The following SRRM2 variants were observed in gnomAD, a reference collection of about 807,000 sequenced individuals.
SRRM2 encodes serine/arginine repetitive matrix protein 2.
Under a neutral mutation model 213.8 loss-of-function variants are expected in SRRM2, and 30 were observed. That is an observed-to-expected ratio of 0.14 (90% confidence interval 0.10 to 0.19). SRRM2 has a LOEUF of 0.19. SRRM2 is among the 10% of genes least tolerant of loss of function. SRRM2 has a pLI of 1.00. For missense variants in SRRM2, 4,904 were observed against 3,647.0 expected, an observed-to-expected ratio of 1.34 and a Z score of -8.88; for synonymous variants, 2,025 against 1,377.7, an observed-to-expected ratio of 1.47 and a Z score of -10.40.
In SRRM2 at chr16:2,762,427, C is replaced by G; in HGVS notation, c.1899C>G (p.Arg633=). 2 of 1,613,990 alleles carry G rather than the reference C, an allele frequency of 1.2e-6. No individual in the cohort carries two copies. The highest frequency in any genetic ancestry group is 1.7e-6 in the Non-Finnish European group (2 of 1,179,992). The part of the protein sequence containing the change: ...RRSRTRSPVR[R]RSRSRSPARR... ...CTAGGACCCGATCACCAGTACGACG[C>G]AGGTCTCGTAGTAGATCACCAGCCA... Residue 633 remains arginine (R), a synonymous_variant, in exon 11 of 15, where the codon CGC becomes CGG. Transcript: ENST00000301740.
At position 2,757,552 on chromosome 16, in the gene SRRM2, A is replaced by C; in HGVS notation, c.323A>C (p.Lys108Thr). 6.2e-7 allele frequency: 1 copy of C among 1,614,082 alleles called. No homozygotes were observed. Among genetic ancestry groups the C allele is most frequent in the Middle Eastern group, 1.7e-4 (1 of 6,060 alleles). ...GAGAAGGATGTGAACCCTGGGGGCAAGGAGGAGACCCCAGGGCAGAGGCCA... is the reference window on the plus strand; with the variant it reads ...GAGAAGGATGTGAACCCTGGGGGCACGGAGGAGACCCCAGGGCAGAGGCCA... Reference protein sequence around the residue: ...LLEKDVNPGGKEETPGQRPAV... With the variant: ...LLEKDVNPGGTEETPGQRPAV... The change falls in exon 3 of 15, where the codon AAG becomes ACG. Residue 108 changes from lysine (K) to threonine (T), a missense_variant. Physicochemically the swap from Lys to Thr is moderately conservative, Grantham distance 78. Transcript: ENST00000301740.
chr16:2,757,567 G>C lies in SRRM2; in HGVS notation c.338G>C (p.Gly113Ala), dbSNP rs367831165. The C allele has an allele frequency of 6.2e-7, 1 of 1,613,688 alleles. No homozygotes were observed. Among genetic ancestry groups the C allele is most frequent in the Non-Finnish European group, 8.5e-7 (1 of 1,179,744 alleles). ...CCTGGGGGCAAGGAGGAGACCCCAGGGCAGAGGCCAGCGTGAGTGTTGCGC... is the reference window on the plus strand; with the variant it reads ...CCTGGGGGCAAGGAGGAGACCCCAGCGCAGAGGCCAGCGTGAGTGTTGCGC... Reference protein sequence around the residue: ...VNPGGKEETPGQRPAVTETHQ... With the variant: ...VNPGGKEETPAQRPAVTETHQ... Residue 113 changes from glycine to alanine, a missense_variant, in exon 3 of 15, where the codon GGG (glycine) becomes GCG (alanine). Transcript: ENST00000301740.
chr16:2,764,605 T>C lies in SRRM2; in HGVS notation c.4077T>C (p.Phe1359=), dbSNP rs761825194. Residue 1359 remains phenylalanine, a synonymous_variant, in exon 11 of 15, where the codon TTT becomes TTC. Transcript: ENST00000301740. ...SEVKEDLNGP[F]LNQLETDPSL... Reference sequence around the variant, plus strand: ...TTAAAGAAGATTTGAATGGACCGTTTCTTAATCAGCTGGAAACAGATCCAT... The same window carrying C: ...TTAAAGAAGATTTGAATGGACCGTTCCTTAATCAGCTGGAAACAGATCCAT... The C allele has an allele frequency of 6.2e-7, 1 of 1,614,242 alleles. No homozygotes were observed. Among genetic ancestry groups the C allele is most frequent in the Non-Finnish European group, 8.5e-7 (1 of 1,180,042 alleles).
In SRRM2 at chr16:2,770,406, C is replaced by T; in HGVS notation, c.8076C>T (p.Ser2692=). ...CCCTCAGGGACTCTCGGTCCCTCAGCTACTCGCCTGTGGAGCGTCGCCGTC... is the reference window on the plus strand; with the variant it reads ...CCCTCAGGGACTCTCGGTCCCTCAGTTACTCGCCTGTGGAGCGTCGCCGTC... The part of the protein sequence containing the change: ...IDSLRDSRSL[S]YSPVERRRPS... The change falls in exon 13 of 15, where the codon AGC becomes AGT. Residue 2692 remains serine (S), a synonymous_variant. Transcript: ENST00000301740. 1 of 1,610,844 alleles carries T rather than the reference C, an allele frequency of 6.2e-7. No individual in the cohort carries two copies. Among genetic ancestry groups the T allele is most frequent in the Non-Finnish European group, 8.5e-7 (1 of 1,178,686 alleles).
chr16:2,759,209 T>TGTGGA, intron 7 of SRRM2, 37 bp downstream of exon 7: 1 of 1,608,840 alleles, frequency 6.2e-7, no homozygotes, highest in Non-Finnish European at 8.5e-7. Context: ...CGCAGTGGCA[T>TGTGGA]GTGGAGTGGT....
chr16:2,763,282 A>C lies in SRRM2; in HGVS notation c.2754A>C (p.Lys918Asn). 1 of 1,614,114 alleles carries C rather than the reference A, an allele frequency of 6.2e-7. No individual in the cohort carries two copies. Among genetic ancestry groups the C allele is most frequent in the South Asian group, 1.1e-5 (1 of 91,076 alleles). Residue 918 changes from lysine to asparagine, a missense_variant, in exon 11 of 15, where the codon AAA becomes AAC. Transcript: ENST00000301740. ...CTAGGTCATCATCTCCACAACCCAA[A>C]GTGAAGGCAATAATATCACCAAGAC... ...SPSRSSSPQP[K>N]VKAIISPRQR...
intron 12 of SRRM2, 151 bp downstream of exon 12, chr16:2,769,435 C>G: frequency 1.1e-6 from 1 of 883,718 alleles, no homozygotes. Flanking sequence ...TCTCCCCATG[C>G]TCGTTGCACC....
intron 9 of SRRM2, 73 bp from the exon 10 acceptor site, chr16:2,760,228 T>TG: frequency 6.9e-7 from 1 of 1,458,120 alleles, no homozygotes; most frequent in South Asian, 1.2e-5. Flanking sequence ...GGATGGGAGT[T>TG]GGGGAGGGGG....
intron 7 of SRRM2, 49 bp from the exon 8 acceptor site, chr16:2,759,303 T>G (rs1253103810): frequency 6.2e-7 from 1 of 1,610,300 alleles, no homozygotes; most frequent in African/African-American, 1.3e-5. Context: ...TTTGGTTTTA[T>G]TTCCTTTTTT....
Position 2,752,774 on chromosome 16 carries a change from G to A in SRRM2, c.-104G>A. The stretch of plus-strand genomic sequence containing the variant: ...GAGGCGAGGCGGCGGCCCCAGGCCC[G>A]AGGGACTCGGGAGCTCGAGCAGCGG... On this transcript the variant is annotated 5_prime_UTR_variant, in exon 1 of 15. Coordinates refer to ENST00000301740, the MANE Select transcript of SRRM2 (RefSeq NM_016333.4). 1 of 358,698 alleles carries A rather than the reference G, an allele frequency of 2.8e-6. No homozygotes were observed. The highest frequency in any genetic ancestry group is 5.6e-6 in the Non-Finnish European group (1 of 179,238). 22.2% of individuals were successfully genotyped at this position (358,698 alleles called of 1,614,324 possible).
At chr16:2,768,599 G>A (rs1412158403) in intron 11 of SRRM2, 1 of 632,124 alleles carries the variant, frequency 1.6e-6, no homozygotes, top group Non-Finnish European at 2.9e-6. Flanking sequence ...GATCTTCAGA[G>A]GTCATCCCAT....
At chr16:2,757,225 C>T (rs561126918) in intron 2 of SRRM2, among the ~76,000 whole-genome samples, 1 of 150,496 alleles carries the variant, frequency 6.6e-6, no homozygotes, top group Admixed American at 6.6e-5. Context: ...TGGAACCCTG[C>T]TTGCTTAACT....
At chr16:2,760,185 T>C in intron 9 of SRRM2, 116 bp from the exon 10 acceptor site, 1 of 1,038,358 alleles carries the variant, frequency 9.6e-7, no homozygotes, top group East Asian at 2.6e-5. Flanking sequence ...GACTAAAGGC[T>C]TTTTGGAAGA....
At chr16:2,769,369 G>A in intron 12 of SRRM2, 85 bp downstream of exon 12, 1 of 1,462,122 alleles carries the variant, frequency 6.8e-7, no homozygotes, top group South Asian at 1.4e-5. Flanking sequence ...GCTCCCCGCT[G>A]GGTGTCTCAC....
In SRRM2 at chr16:2,770,992, G is replaced by T. The variant is rs2068726842; in HGVS notation, c.*125G>T. 6 of 1,178,780 alleles carry T rather than the reference G, an allele frequency of 5.1e-6. No homozygotes were observed. The East Asian group carries it at 1.5e-4, about 29-fold the overall frequency. The allele number at this position is 1,178,780 out of a possible 1,614,324, so 73.0% of individuals were successfully genotyped here. A position where few individuals can be genotyped will look rare whatever the true frequency, so the allele number is the denominator to read the frequency against. Reference sequence around the variant, plus strand: ...TTTGAACCTTGGCAGCCCTTGGATGGAGGGCTCCCTTTCCCTCCCCTTTTT... The same window carrying T: ...TTTGAACCTTGGCAGCCCTTGGATGTAGGGCTCCCTTTCCCTCCCCTTTTT... On this transcript the variant is annotated 3_prime_UTR_variant, in exon 15 of 15. Coordinates refer to ENST00000301740, the MANE Select transcript of SRRM2 (RefSeq NM_016333.4).
intron 10 of SRRM2, 83 bp downstream of exon 10, chr16:2,760,582 T>C (rs2068306761): frequency 6.9e-7 from 1 of 1,450,078 alleles, no homozygotes; most frequent in Non-Finnish European, 9.4e-7. Context: ...GGAGAGGTAA[T>C]AACTTATTAA....
At position 2,768,094 on chromosome 16, in the gene SRRM2, C is replaced by T. The variant is rs369648582; in HGVS notation, c.7566C>T (p.Ala2522=). The part of the protein sequence containing the change: ...STGAQQPSAL[A]ALQPAKERRS... ...GGGCCCAGCAGCCTTCTGCATTAGCCGCCCTGCAGCCAGCAAAGGAGCGGC... is the reference window on the plus strand; with the variant it reads ...GGGCCCAGCAGCCTTCTGCATTAGCTGCCCTGCAGCCAGCAAAGGAGCGGC... Residue 2522 remains alanine (A), a synonymous_variant, in exon 11 of 15, where the codon GCC becomes GCT. Transcript: ENST00000301740. The T allele has an allele frequency of 1.2e-4, 197 of 1,614,160 alleles. 6 individuals are homozygous for T. The South Asian group carries it at 1.9e-3, about 16-fold the overall frequency.
rs748471139 is a variant in SRRM2 at position 2,771,013 on chromosome 16, T to C, written c.*146T>C. ...GATGGAGGGCTCCCTTTCCCTCCCC[T>C]TTTTTTTTTCTTTGTTCCTGTGAAA... On this transcript the variant is annotated 3_prime_UTR_variant, in exon 15 of 15. Coordinates refer to ENST00000301740, the MANE Select transcript of SRRM2 (RefSeq NM_016333.4). 121 of 777,860 alleles carry C rather than the reference T, an allele frequency of 1.6e-4. 1 individual carries two copies. In the Middle Eastern group the frequency reaches 2.4e-3, roughly 15 times the overall value. The allele number at this position is 777,860 out of a possible 1,614,324, so 48.2% of individuals were successfully genotyped here.
At position 2,760,507 on chromosome 16, in the gene SRRM2, C is replaced by G. The variant is rs1428450369; in HGVS notation, c.1032+8C>G. On this transcript the variant is annotated splice_region_variant and intron_variant, in intron 10 of 14. Transcript: ENST00000301740. ...GATAAAGACAAGAAGGAGGTATGTT[C>G]CTGAGTTGGTGATGTTCATTGGATT... is the stretch of plus-strand genomic sequence containing the variant. 1 of 1,613,916 alleles carries G rather than the reference C, an allele frequency of 6.2e-7. No individual in the cohort carries two copies. The highest frequency in any genetic ancestry group is 8.5e-7 in the Non-Finnish European group (1 of 1,179,944).
Sources: gnomAD v4.1 joint callset for allele counts (sites outside exome capture counted in the v4.1 genomes callset) on GRCh38, gnomAD v4.1.1 for gene constraint, MANE v1.5 for transcripts, NCBI Gene and HGNC (gene_info 2026-07-23, HGNC 2026-07-21) for gene names.